The following MPP3 variants were observed in gnomAD, a reference collection of about 807,000 sequenced individuals.
MPP3 encodes MAGUK p55 subfamily member 3.
MPP3 carries 48 observed loss-of-function variants against 80.7 expected under a neutral mutation model. That is an observed-to-expected ratio of 0.59 (90% confidence interval 0.47 to 0.76). The LOEUF (loss-of-function observed/expected upper bound fraction) is 0.76. Ranked by LOEUF, MPP3 falls within the 30% of genes least tolerant of loss-of-function variation. The probability of loss-of-function intolerance (pLI) is 0.00; values close to 1 mark genes in which losing one functional copy is unlikely to be tolerated. For missense variants in MPP3, 620 were observed against 763.0 expected, an observed-to-expected ratio of 0.81 and a Z score of 2.21; for synonymous variants, 311 against 297.6, an observed-to-expected ratio of 1.04 and a Z score of -0.46.
chr17:43,827,062 C>T (rs1425740490), intron 8 of MPP3, among the ~76,000 whole-genome samples: 2 of 151,930 alleles, frequency 1.3e-5, no homozygotes, highest in African/African-American at 4.8e-5. Context: ...GTTGCCCAGG[C>T]GGGAGCGCAA....
chr17:43,831,389 T>C, intron 4 of MPP3, 68 bp from the exon 5 acceptor site: 2 of 1,542,790 alleles, frequency 1.3e-6, no homozygotes. Context: ...GTGGGGACAT[T>C]TGGGGCAGCA....
intron 18 of MPP3, 64 bp from the exon 19 acceptor site, chr17:43,809,142 G>T: frequency 6.7e-7 from 1 of 1,498,082 alleles, no homozygotes; most frequent in South Asian, 1.4e-5. Context: ...ATAGACTTTT[G>T]AAAGCTCAAT....
intron 19 of MPP3, among the ~76,000 whole-genome samples, chr17:43,805,177 C>T (rs1397547843): frequency 6.6e-6 from 1 of 152,158 alleles, no homozygotes; most frequent in East Asian, 1.9e-4. Context: ...ACAGACATTT[C>T]TCCAAGAAAG....
chr17:43,828,775 C>T (rs904633948), intron 7 of MPP3, among the ~76,000 whole-genome samples: 1 of 152,212 alleles, frequency 6.6e-6, no homozygotes, highest in African/African-American at 2.4e-5. Context: ...TTCTAGCCCC[C>T]CAGAACTGAG....
intron 9 of MPP3, among the ~76,000 whole-genome samples, chr17:43,824,212 T>C (rs2045591987): frequency 6.6e-6 from 1 of 152,206 alleles, no homozygotes; most frequent in African/African-American, 2.4e-5. Context: ...TATTTTTTAG[T>C]ATTTTTATTA....
At chr17:43,821,212 T>C (rs1567816231) in intron 10 of MPP3, among the ~76,000 whole-genome samples, 154 bp from the exon 11 acceptor site, 1 of 152,232 alleles carries the variant, frequency 6.6e-6, no homozygotes, top group East Asian at 1.9e-4. Flanking sequence ...ACTGCACGTA[T>C]GTTCTTAACT....
intron 19 of MPP3, among the ~76,000 whole-genome samples, chr17:43,805,315 C>A (rs1358864061): frequency 2.0e-5 from 3 of 152,146 alleles, no homozygotes; most frequent in Admixed American, 1.3e-4. Context: ...AAAAGACAGA[C>A]AATAACAAGG....
rs2044387374 is a variant in MPP3 at position 43,800,876 on chromosome 17, G to A, written c.*825C>T. The A allele has an allele frequency of 6.6e-6, 1 of 152,096 alleles. No individual in the cohort carries two copies. The highest frequency in any genetic ancestry group is 1.5e-5 in the Non-Finnish European group (1 of 68,034). The allele number at this position is 152,096 out of a possible 1,614,324, so 9.4% of individuals were successfully genotyped here. On this transcript the variant is annotated 3_prime_UTR_variant, in exon 20 of 20. Transcript: ENST00000398389. ...CAGTGACGTAGCCATAGTTTTGACA[G>A]GGAGAGTCATCTGGTTTCCCAAGAT...
chr17:43,819,415 C>T (rs1469050828), intron 11 of MPP3, among the ~76,000 whole-genome samples: 1 of 152,236 alleles, frequency 6.6e-6, no homozygotes, highest in Non-Finnish European at 1.5e-5. Flanking sequence ...ACAACCTAAT[C>T]GAAGTGCAGC....
intron 9 of MPP3, among the ~76,000 whole-genome samples, chr17:43,824,715 A>G (rs78553806): frequency 0.029 from 4,465 of 152,322 alleles, 89 homozygotes; most frequent in Non-Finnish European, 0.045. Context: ...AGCTTGGGCA[A>G]AAGGACTGAA....
intron 12 of MPP3, among the ~76,000 whole-genome samples, chr17:43,817,529 A>AT (rs2045205919): frequency 6.6e-6 from 1 of 152,214 alleles, no homozygotes; most frequent in African/African-American, 2.4e-5. Flanking sequence ...TTATACTATA[A>AT]TAAAAACTAC....
At chr17:43,809,530 G>C (rs2044755983) in intron 18 of MPP3, among the ~76,000 whole-genome samples, 1 of 152,128 alleles carries the variant, frequency 6.6e-6, no homozygotes, top group Non-Finnish European at 1.5e-5. Flanking sequence ...AGAAGAAAAG[G>C]TTTGCAAAGC....
intron 18 of MPP3, among the ~76,000 whole-genome samples, chr17:43,809,831 A>G (rs953621831): frequency 1.3e-5 from 2 of 152,284 alleles, no homozygotes; most frequent in Middle Eastern, 6.8e-3. Context: ...GTGAACCAAG[A>G]TCGCACCACT....
intron 10 of MPP3, 75 bp from the exon 11 acceptor site, chr17:43,821,133 A>C: frequency 6.9e-7 from 1 of 1,439,074 alleles, no homozygotes; most frequent in Non-Finnish European, 9.6e-7. Context: ...ATCAAAGGCC[A>C]CATGACAACG....
chr17:43,822,950 T>C (rs2045534944), intron 10 of MPP3, among the ~76,000 whole-genome samples: 1 of 152,112 alleles, frequency 6.6e-6, no homozygotes. Flanking sequence ...CCAGGGCCCC[T>C]GGGTGGGATG....
In MPP3 at chr17:43,800,944, C is replaced by T. The variant is rs1466207387; in HGVS notation, c.*757G>A. The T allele has an allele frequency of 6.6e-6, 1 of 152,228 alleles. No homozygotes were observed. Among genetic ancestry groups the T allele is most frequent in the South Asian group, 2.1e-4 (1 of 4,814 alleles). The allele number at this position is 152,228 out of a possible 1,614,324, so 9.4% of individuals were successfully genotyped here. On this transcript the variant is annotated 3_prime_UTR_variant, in exon 20 of 20. Coordinates refer to ENST00000398389, the MANE Select transcript of MPP3 (RefSeq NM_001932.6). ...CCTATGATCTCATGGCAGGGACTGG[C>T]TAGGACCAAGGCAACTGTCAGTAAC... is the stretch of plus-strand genomic sequence containing the variant.
rs2045423864 is a variant in MPP3, at chr17:43,820,897, T to C, written c.846A>G (p.Arg282=). The change falls in exon 11 of 20, where the codon CGA becomes CGG. Residue 282 remains arginine, a synonymous_variant. Transcript: ENST00000398389. ...ACCCCTTGGAGGGGATGAGGCCGGC[T>C]CGAAGGTTGGTGTCCCCGACTCGCT... ...QAKRVGDTNL[R]AGLIPSKGFQ... is the part of the protein sequence containing the mutation. 1 of 1,614,164 alleles carries C rather than the reference T, an allele frequency of 6.2e-7. No individual in the cohort carries two copies. The highest frequency in any genetic ancestry group is 8.5e-7 in the Non-Finnish European group (1 of 1,180,026).
At chr17:43,831,189 A>G in intron 5 of MPP3, 55 bp downstream of exon 5, 3 of 1,520,626 alleles carry the variant, frequency 2.0e-6, no homozygotes, top group Admixed American at 1.7e-5. Context: ...AAGATGAAGG[A>G]GCCCTACAGG....
chr17:43,810,927 C>T lies in MPP3; in HGVS notation c.1350-12G>A. ...CATGTTCCAGGAACCTAAAACACCA[C>T]CAAAGGGGAAAAGGCCTTTAGTTCC... On this transcript the variant is annotated splice_polypyrimidine_tract_variant and intron_variant, in intron 17 of 19. Transcript: ENST00000398389. 6.3e-7 allele frequency: 1 copy of T among 1,586,400 alleles called. No homozygotes were observed. Among genetic ancestry groups the T allele is most frequent in the Non-Finnish European group, 8.6e-7 (1 of 1,165,948 alleles).
Sources: gnomAD v4.1 joint callset for allele counts (sites outside exome capture counted in the v4.1 genomes callset) on GRCh38, gnomAD v4.1.1 for gene constraint, MANE v1.5 for transcripts, NCBI Gene and HGNC (gene_info 2026-07-23, HGNC 2026-07-21) for gene names.